The following FOXK1 variants were observed in gnomAD, a reference collection of about 807,000 sequenced individuals.
FOXK1 encodes the protein forkhead box protein K1.
FOXK1 carries 19 observed loss-of-function variants against 51.9 expected under a neutral mutation model. The observed-to-expected ratio is 0.37, with a 90% CI of 0.26 to 0.54. FOXK1 has a LOEUF of 0.54. Among genes scored for constraint, FOXK1 ranks in the 20% least tolerant of loss-of-function variants. The pLI, the probability that FOXK1 is intolerant of heterozygous loss-of-function variation, is 0.87. For missense variants in FOXK1, 870 were observed against 1,032.7 expected, an observed-to-expected ratio of 0.84 and a Z score of 2.16; for synonymous variants, 537 against 482.6, an observed-to-expected ratio of 1.11 and a Z score of -1.48.
intron 1 of FOXK1, among the ~76,000 whole-genome samples, chr7:4,718,061 C>G (rs573332622): frequency 6.6e-6 from 1 of 152,308 alleles, no homozygotes; most frequent in African/African-American, 2.4e-5. Context: ...GGCCCTGTTG[C>G]CCGTGTTCCC....
intron 1 of FOXK1, among the ~76,000 whole-genome samples, chr7:4,687,153 G>A (rs533698087): frequency 7.0e-4 from 106 of 152,022 alleles, no homozygotes; most frequent in African/African-American, 2.4e-3. Context: ...AGGATGGTCT[G>A]GATCTCCTGA....
chr7:4,716,678 G>A (rs1349610045), intron 1 of FOXK1, among the ~76,000 whole-genome samples: 1 of 152,196 alleles, frequency 6.6e-6, no homozygotes, highest in African/African-American at 2.4e-5. Flanking sequence ...AAGCGGGTGA[G>A]TACAGAGGCC....
In FOXK1 at chr7:4,683,125, C is replaced by A. The variant is rs746777690; in HGVS notation, c.560+257C>A. 6.6e-6 allele frequency among the ~76,000 whole-genome samples: 1 copy of A among 151,646 alleles called. No individual in the cohort carries two copies. Among genetic ancestry groups the A allele is most frequent in the African/African-American group, 2.4e-5 (1 of 41,256 alleles). On this transcript the variant is annotated intron_variant, in intron 1 of 8. Coordinates refer to ENST00000328914, the MANE Select transcript of FOXK1 (RefSeq NM_001037165.2). This position sits in a 1 kb window ranked among gnomAD's most constrained non-coding sequence, Gnocchi z 4.5. ...TCCTCCACTTTCCCCGGTCTGGATA[C>A]CCCGTCGCCCCCGACCCCCACCGGC...
chr7:4,694,286 T>A (rs191902329), intron 1 of FOXK1, among the ~76,000 whole-genome samples: 1 of 152,290 alleles, frequency 6.6e-6, no homozygotes, highest in East Asian at 1.9e-4. Context: ...AACATTTACA[T>A]CAAAATAAGC....
intron 2 of FOXK1, among the ~76,000 whole-genome samples, chr7:4,741,298 T>G (rs1780630727): frequency 2.0e-5 from 3 of 151,030 alleles, no homozygotes; most frequent in Non-Finnish European, 2.9e-5. Flanking sequence ...TTGTTTTTTG[T>G]TTTTTTTTAA....
At position 4,729,586 on chromosome 7, in the gene FOXK1, G is replaced by A. The variant is rs1780424383; in HGVS notation, c.561-11252G>A. 6.6e-6 allele frequency among the ~76,000 whole-genome samples: 1 copy of A among 152,222 alleles called. No homozygotes were observed. Among genetic ancestry groups the A allele is most frequent in the Non-Finnish European group, 1.5e-5 (1 of 68,038 alleles). ...CACCTGAGCCCCAGGGAGGGTCGGT[G>A]GCCATGGCTGTGCTTGGCCGCCTCT... On this transcript the variant is annotated intron_variant, in intron 1 of 8. Transcript: ENST00000328914. The surrounding 1 kb of genome is among the most constrained non-coding windows in gnomAD (Gnocchi z 6.2).
chr7:4,716,898 G>C (rs1477339075), intron 1 of FOXK1, among the ~76,000 whole-genome samples: 1 of 152,178 alleles, frequency 6.6e-6, no homozygotes, highest in Non-Finnish European at 1.5e-5. Context: ...TTTGTGTCTG[G>C]CTTGTATGTG....
chr7:4,754,989 C>A, intron 3 of FOXK1: 1 of 573,196 alleles, frequency 1.7e-6, no homozygotes, highest in South Asian at 2.3e-5. Flanking sequence ...AAATTGATTT[C>A]TGGAAGAGGT....
chr7:4,720,004 G>A (rs142284920), intron 1 of FOXK1, among the ~76,000 whole-genome samples: 2 of 152,214 alleles, frequency 1.3e-5, no homozygotes, highest in African/African-American at 2.4e-5. Flanking sequence ...TTTTGATGAC[G>A]TCCGATGTGT....
At chr7:4,684,643 G>GA (rs1779796399) in intron 1 of FOXK1, among the ~76,000 whole-genome samples, 1 of 152,092 alleles carries the variant, frequency 6.6e-6, no homozygotes, top group East Asian at 1.9e-4. Flanking sequence ...CCTCCAGTAA[G>GA]AAAATGACAG....
In FOXK1 at chr7:4,707,486, C is replaced by T. The variant is rs146900818; in HGVS notation, c.560+24618C>T. On this transcript the variant is annotated intron_variant, in intron 1 of 8. Transcript: ENST00000328914. This position sits in a 1 kb window ranked among gnomAD's most constrained non-coding sequence, Gnocchi z 4.1. The stretch of plus-strand genomic sequence containing the variant: ...CCCAGTTTCCCCAAATGGATAATTT[C>T]GCCTTGGTAGTGTTAAGATGTATTT... Among the ~76,000 whole-genome samples, 89 of 152,276 alleles carry T rather than the reference C, an allele frequency of 5.8e-4. No homozygotes were observed. The highest frequency in any genetic ancestry group is 2.0e-3 in the African/African-American group (83 of 41,560).
intron 1 of FOXK1, among the ~76,000 whole-genome samples, chr7:4,699,080 G>A (rs1779987237): frequency 1.3e-5 from 2 of 152,200 alleles, no homozygotes; most frequent in Non-Finnish European, 2.9e-5. Context: ...TTGGCATGCT[G>A]TTGTCCTGTG....
chr7:4,697,741 CTGTGTG>C (rs57978112), intron 1 of FOXK1, among the ~76,000 whole-genome samples: 22,197 of 135,460 alleles, frequency 0.16, 1,952 homozygotes, highest in African/African-American at 0.25. Flanking sequence ...GAAAGATAGG[CTGTGTG>C]TGTGTGTGTG....
intron 5 of FOXK1, among the ~76,000 whole-genome samples, chr7:4,757,612 C>A (rs575375889): frequency 9.6e-6 from 1 of 104,626 alleles, no homozygotes; most frequent in African/African-American, 3.9e-5. Context: ...GCAGCCTGGG[C>A]GACAAGAGCA....
chr7:4,752,464 C>T (rs1019242771), intron 2 of FOXK1, among the ~76,000 whole-genome samples: 1 of 152,242 alleles, frequency 6.6e-6, no homozygotes, highest in African/African-American at 2.4e-5. Context: ...TTTCTATGAT[C>T]TTCTGCAAAA....
intron 1 of FOXK1, among the ~76,000 whole-genome samples, chr7:4,704,317 G>A (rs1284756711): frequency 1.3e-5 from 2 of 151,812 alleles, no homozygotes; most frequent in Admixed American, 1.3e-4. Context: ...CGGGCGTAGT[G>A]GGGCACGCCT....
intron 1 of FOXK1, among the ~76,000 whole-genome samples, chr7:4,726,771 C>A (rs548578485): frequency 1.3e-5 from 2 of 152,300 alleles, no homozygotes; most frequent in East Asian, 3.9e-4. Context: ...TTCGCCCACT[C>A]TATTCATAGG....
rs1780930719 is a variant in FOXK1 at position 4,761,363 on chromosome 7, G to A, written c.1921+75G>A. ...CCAGTAGTCAGTGCGGCATGAGAATGTTCTCCCAGTATCTCCCGATCCTCC... is the reference window on the plus strand; with the variant it reads ...CCAGTAGTCAGTGCGGCATGAGAATATTCTCCCAGTATCTCCCGATCCTCC... On this transcript the variant is annotated intron_variant, in intron 8 of 8. Transcript: ENST00000328914. This position sits in a 1 kb window ranked among gnomAD's most constrained non-coding sequence, Gnocchi z 6.2. 17 of 1,384,930 alleles carry A rather than the reference G, an allele frequency of 1.2e-5. No individual in the cohort carries two copies. Among genetic ancestry groups the A allele is most frequent in the Non-Finnish European group, 1.7e-5 (17 of 1,005,322 alleles). 85.8% of individuals were successfully genotyped at this position (1,384,930 alleles called of 1,614,324 possible).
At chr7:4,712,730 A>G (rs144124106) in intron 1 of FOXK1, among the ~76,000 whole-genome samples, 136 of 152,232 alleles carry the variant, frequency 8.9e-4, no homozygotes, top group African/African-American at 2.8e-3. Context: ...GCCCTCTCAG[A>G]TAGGAGATAC....
Sources: gnomAD v4.1 joint callset for allele counts (sites outside exome capture counted in the v4.1 genomes callset) on GRCh38, gnomAD v4.1.1 for gene constraint, Gnocchi (gnomAD v3.1) non-coding constraint, MANE v1.5 for transcripts, NCBI Gene and HGNC (gene_info 2026-07-23, HGNC 2026-07-21) for gene names.